The following MRPS33 variants were observed in gnomAD, a reference collection of about 807,000 sequenced individuals.
The protein encoded by MRPS33 is mitochondrial ribosomal protein S33.
MRPS33 carries 11 observed loss-of-function variants against 11.2 expected under a neutral mutation model. The ratio of observed to expected loss-of-function variants is 0.99; its 90% CI spans 0.62 to 1.63. MRPS33 has a LOEUF of 1.63. Among genes scored for constraint, MRPS33 ranks in the 40% most tolerant of loss-of-function variants. The pLI is 0.00. For synonymous variants in MRPS33, 46 were observed against 44.0 expected, an observed-to-expected ratio of 1.05 and a Z score of -0.18; for missense variants, 109 against 127.8, an observed-to-expected ratio of 0.85 and a Z score of 0.71.
chr7:141,003,727 G>A lies in MRPS33; in HGVS notation c.*2703C>T, dbSNP rs2129163664. ...TACATTCAGATCTTTCCCAAAAGCT[G>A]GAGATCACATAATTCAAACATCTGC... On this transcript the variant is annotated 3_prime_UTR_variant, in exon 3 of 3. Transcript: ENST00000324787. The A allele has an allele frequency of 6.6e-6, 1 of 152,336 alleles. No individual in the cohort carries two copies. Among genetic ancestry groups the A allele is most frequent in the Middle Eastern group, 3.4e-3 (1 of 294 alleles). 9.4% of individuals were successfully genotyped at this position (152,336 alleles called of 1,614,324 possible). A position where few individuals can be genotyped will look rare whatever the true frequency, so the allele number is the denominator to read the frequency against.
At chr7:141,009,206 A>C (rs1820611696) in intron 2 of MRPS33, among the ~76,000 whole-genome samples, 1 of 149,572 alleles carries the variant, frequency 6.7e-6, no homozygotes. Context: ...ATCTTGACTC[A>C]CTGCAACCTC....
chr7:141,009,664 C>T (rs779075354), intron 2 of MRPS33: 1 of 152,208 alleles, frequency 6.6e-6, no homozygotes, highest in Non-Finnish European at 1.5e-5. Context: ...AGAAAGAAGG[C>T]TCCCACATAC....
chr7:141,002,652 T>A lies in MRPS33; in HGVS notation c.*3778A>T, dbSNP rs1400390441. The A allele has an allele frequency of 3.9e-6, 1 of 259,074 alleles. No individual in the cohort carries two copies. Among genetic ancestry groups the A allele is most frequent in the African/African-American group, 2.2e-5 (1 of 45,012 alleles). The allele number at this position is 259,074 out of a possible 1,614,324, so 16.0% of individuals were successfully genotyped here. On this transcript the variant is annotated 3_prime_UTR_variant, in exon 3 of 3. Coordinates refer to ENST00000324787, the MANE Select transcript of MRPS33 (RefSeq NM_053035.3). The stretch of plus-strand genomic sequence containing the variant: ...TTATTCTTTCTTGGAAAATGATTTA[T>A]AAATACAAGCATTATGGTTATATAT...
In MRPS33 at chr7:141,005,346, G is replaced by T. The variant is rs1030616908; in HGVS notation, c.*1084C>A. 3 of 152,020 alleles carry T rather than the reference G, an allele frequency of 2.0e-5. No individual in the cohort carries two copies. Among genetic ancestry groups the T allele is most frequent in the Non-Finnish European group, 2.9e-5 (2 of 68,008 alleles). 9.4% of individuals were successfully genotyped at this position (152,020 alleles called of 1,614,324 possible). On this transcript the variant is annotated 3_prime_UTR_variant, in exon 3 of 3. Coordinates refer to ENST00000324787, the MANE Select transcript of MRPS33 (RefSeq NM_053035.3). ...GGCAACCTCTTATTTATTCTTCAAG[G>T]TTCAGCTTAAATATCATTTTTTTTT...
intron 2 of MRPS33, 61 bp from the exon 3 acceptor site, chr7:141,006,596 T>C: frequency 2.2e-6 from 3 of 1,360,730 alleles, no homozygotes; most frequent in South Asian, 1.2e-5. Flanking sequence ...AGTACACTAA[T>C]CTAGCACGCA....
chr7:141,009,357 C>T (rs1315207044), intron 2 of MRPS33, among the ~76,000 whole-genome samples: 1 of 152,002 alleles, frequency 6.6e-6, no homozygotes, highest in Admixed American at 6.6e-5. Flanking sequence ...GTCTCAAACT[C>T]CTGACCTCAG....
chr7:141,006,634 G>A (rs1820537934), intron 2 of MRPS33, 99 bp from the exon 3 acceptor site: 16 of 1,004,712 alleles, frequency 1.6e-5, no homozygotes, highest in Middle Eastern at 2.1e-4. Context: ...TCTGGTTATC[G>A]ATCTTTGACT....
At chr7:141,011,553 C>T (rs888576865) in intron 1 of MRPS33, among the ~76,000 whole-genome samples, 2 of 152,132 alleles carry the variant, frequency 1.3e-5, no homozygotes, top group Admixed American at 6.5e-5. Context: ...ATAACTATCT[C>T]AACTCAGTTT....
intron 2 of MRPS33, among the ~76,000 whole-genome samples, chr7:141,008,066 CTCCCT>C (rs2129164508): frequency 6.6e-6 from 1 of 152,270 alleles, no homozygotes; most frequent in African/African-American, 2.4e-5. Context: ...TGGTGCTTCC[CTCCCT>C]CTTTTGCAGA....
chr7:141,012,011 A>C (rs371029504), intron 1 of MRPS33, among the ~76,000 whole-genome samples: 1 of 149,820 alleles, frequency 6.7e-6, no homozygotes, highest in African/African-American at 2.5e-5. Context: ...AACAAAAGAA[A>C]ATAAGAAAAT....
At chr7:141,007,810 C>G (rs1292486870) in intron 2 of MRPS33, among the ~76,000 whole-genome samples, 2 of 152,234 alleles carry the variant, frequency 1.3e-5, no homozygotes, top group Non-Finnish European at 2.9e-5. Context: ...AATCTAGCCT[C>G]TCCCCACCTA....
At chr7:141,011,056 T>C (rs1820663583) in intron 1 of MRPS33, among the ~76,000 whole-genome samples, 1 of 152,220 alleles carries the variant, frequency 6.6e-6, no homozygotes, top group South Asian at 2.1e-4. Flanking sequence ...GCAGCATTAA[T>C]ATGCTGACTG....
intron 1 of MRPS33, among the ~76,000 whole-genome samples, chr7:141,011,812 C>T (rs1182120417): frequency 1.3e-5 from 2 of 151,626 alleles, no homozygotes; most frequent in East Asian, 1.9e-4. Context: ...GAAAACAAAC[C>T]GTGTTTAAAT....
chr7:141,010,464 G>T lies in MRPS33; in HGVS notation c.170C>A (p.Thr57Asn), dbSNP rs780322735. Reference protein sequence around the residue: ...ETYDWYPNHHTYAELMQTLRF... With the variant: ...ETYDWYPNHHNYAELMQTLRF... ...GAGCGTCTGCATGAGTTCAGCGTAA[G>T]TGTGGTGATTTGGATACCAATCATA... Residue 57 changes from threonine (T) to asparagine (N), a missense_variant, in exon 2 of 3, where the codon ACT becomes AAT. Thr to Asn is a moderately conservative substitution (Grantham distance 65). Coordinates refer to ENST00000324787, the MANE Select transcript of MRPS33 (RefSeq NM_053035.3). 14 of 1,614,080 alleles carry T rather than the reference G, an allele frequency of 8.7e-6. No individual in the cohort carries two copies. Among genetic ancestry groups the T allele is most frequent in the African/African-American group, 1.3e-5 (1 of 74,924 alleles).
intron 2 of MRPS33, 174 bp downstream of exon 2, chr7:141,010,243 TGG>T: frequency 1.5e-5 from 9 of 595,476 alleles, no homozygotes; most frequent in Middle Eastern, 4.3e-4. Context: ...TTTTTTTTTT[TGG>T]TCTCTCCATT....
chr7:141,014,406 C>T (rs1820750832), intron 1 of MRPS33: 1 of 152,220 alleles, frequency 6.6e-6, no homozygotes, highest in South Asian at 2.1e-4. Flanking sequence ...GTATTAGCTG[C>T]ATTCAGTTCA....
Position 141,006,280 on chromosome 7 carries a change from C to T in MRPS33, c.*150G>A. 1.4e-6 allele frequency: 1 copy of T among 697,166 alleles called. No homozygotes were observed. Among genetic ancestry groups the T allele is most frequent in the Non-Finnish European group, 2.4e-6 (1 of 417,676 alleles). The allele number at this position is 697,166 out of a possible 1,614,324, so 43.2% of individuals were successfully genotyped here. A position where few individuals can be genotyped will look rare whatever the true frequency, so the allele number is the denominator to read the frequency against. ...GTTCAAGAAACCAGCCACAATGTAA[C>T]CGGATTAGATTTCACCAAGGAGATG... On this transcript the variant is annotated 3_prime_UTR_variant, in exon 3 of 3. Coordinates refer to ENST00000324787, the MANE Select transcript of MRPS33 (RefSeq NM_053035.3).
At position 141,002,935 on chromosome 7, in the gene MRPS33, GTTTTTAACT is replaced by G. The variant is rs1820441019; in HGVS notation, c.*3486_*3494del. The G allele has an allele frequency of 6.6e-6, 1 of 152,122 alleles. No individual in the cohort carries two copies. Among genetic ancestry groups the G allele is most frequent in the African/African-American group, 2.4e-5 (1 of 41,418 alleles). The allele number at this position is 152,122 out of a possible 1,614,324, so 9.4% of individuals were successfully genotyped here. A position where few individuals can be genotyped will look rare whatever the true frequency, so the allele number is the denominator to read the frequency against. On this transcript the variant is annotated 3_prime_UTR_variant, in exon 3 of 3. Transcript: ENST00000324787. ...GTCACATAATGTGCTATATGTAAAAGTTTTTAACTTTTTATAATTTACAGAGTTCTTTTC... is the reference window on the plus strand; with the variant it reads ...GTCACATAATGTGCTATATGTAAAAGTTTTATAATTTACAGAGTTCTTTTC...
At chr7:141,010,375 TG>T (rs1159375235) in intron 2 of MRPS33, 43 bp downstream of exon 2, 1 of 1,584,348 alleles carries the variant, frequency 6.3e-7, no homozygotes, top group African/African-American at 1.4e-5. Context: ...TCTGATCTAC[TG>T]AAAAAAAGTC....
Sources: allele counts gnomAD v4.1 joint callset (sites outside exome capture counted in the v4.1 genomes callset), GRCh38; gene constraint gnomAD v4.1.1; transcripts MANE v1.5; gene names NCBI Gene and HGNC (gene_info 2026-07-23, HGNC 2026-07-21).